Variants in GALNTL6 observed in about 807,000 individuals in gnomAD.
GALNTL6 encodes the protein polypeptide N-acetylgalactosaminyltransferase like 6, also known as polypeptide N-acetylgalactosaminyltransferase-like 6.
A neutral mutation model predicts 73.7 loss-of-function variants in GALNTL6; 46 were observed. The ratio of observed to expected loss-of-function variants is 0.62; its 90% CI spans 0.49 to 0.80. The LOEUF (loss-of-function observed/expected upper bound fraction) is 0.80, where lower values mean the gene tolerates loss of function less well. Among genes scored for constraint, GALNTL6 ranks in the 30% least tolerant of loss-of-function variants. The probability of loss-of-function intolerance (pLI) is 0.00; values close to 1 mark genes in which losing one functional copy is unlikely to be tolerated. For missense variants in GALNTL6, 604 were observed against 755.0 expected (o/e 0.80, Z 2.34); for synonymous variants, 259 against 263.7 (o/e 0.98, Z 0.17).
intron 5 of GALNTL6, among the ~76,000 whole-genome samples, chr4:172,735,442 C>T (rs148398601): frequency 0.018 from 2,750 of 152,118 alleles, 45 homozygotes; most frequent in Middle Eastern, 0.048. Flanking sequence ...TTGCCTATAC[C>T]CCCATTGTAT....
intron 4 of GALNTL6, among the ~76,000 whole-genome samples, chr4:172,339,762 ACT>A (rs1224060630): frequency 6.6e-6 from 1 of 151,852 alleles, no homozygotes; most frequent in Non-Finnish European, 1.5e-5. Context: ...ACAAAGGAAA[ACT>A]CTCTGCCCCT....
intron 2 of GALNTL6, among the ~76,000 whole-genome samples, chr4:172,170,490 C>T (rs1734777886): frequency 6.7e-6 from 1 of 149,396 alleles, no homozygotes; most frequent in South Asian, 2.1e-4. Flanking sequence ...TACCCAGTCC[C>T]TGGAAGTTTC....
intron 5 of GALNTL6, among the ~76,000 whole-genome samples, chr4:172,751,483 G>A (rs1737419637): frequency 6.6e-6 from 1 of 152,188 alleles, no homozygotes; most frequent in Admixed American, 6.5e-5. Flanking sequence ...TGTGTGAGAT[G>A]CTACAAAGGA....
chr4:172,687,625 CAAAA>C (rs34724807), intron 5 of GALNTL6, among the ~76,000 whole-genome samples: 11 of 129,102 alleles, frequency 8.5e-5, no homozygotes, highest in Non-Finnish European at 9.4e-5. Flanking sequence ...AAGACTGTCT[CAAAA>C]AAAAAAAAAA....
At chr4:172,861,341 G>GTGTA (rs1336283663) in intron 7 of GALNTL6, among the ~76,000 whole-genome samples, 4 of 151,580 alleles carry the variant, frequency 2.6e-5, no homozygotes, top group Admixed American at 6.6e-5. Context: ...GTGTGTGTGT[G>GTGTA]TGTGTGTGTG....
At chr4:172,189,932 G>A (rs995652278) in intron 2 of GALNTL6, among the ~76,000 whole-genome samples, 1 of 152,142 alleles carries the variant, frequency 6.6e-6, no homozygotes, top group Non-Finnish European at 1.5e-5. Flanking sequence ...AAATATTCCA[G>A]CAGCTTGTAC....
intron 5 of GALNTL6, among the ~76,000 whole-genome samples, chr4:172,647,484 C>T (rs1322367839): frequency 6.6e-6 from 1 of 151,902 alleles, no homozygotes; most frequent in African/African-American, 2.4e-5. Flanking sequence ...TTTCTCTACC[C>T]CAGAGTAAAA....
intron 5 of GALNTL6, among the ~76,000 whole-genome samples, chr4:172,698,407 C>A (rs917316243): frequency 6.6e-6 from 1 of 152,140 alleles, no homozygotes; most frequent in Non-Finnish European, 1.5e-5. Flanking sequence ...TAGGCCACGA[C>A]CAGCTTCCTT....
At chr4:172,560,902 C>T (rs1394792227) in intron 5 of GALNTL6, among the ~76,000 whole-genome samples, 1 of 152,148 alleles carries the variant, frequency 6.6e-6, no homozygotes, top group Non-Finnish European at 1.5e-5. Flanking sequence ...TCTTTTGTGA[C>T]ATAGATACTA....
chr4:173,019,385 CAA>C (rs1035025452), intron 11 of GALNTL6, among the ~76,000 whole-genome samples: 1 of 152,002 alleles, frequency 6.6e-6, no homozygotes, highest in African/African-American at 2.4e-5. Context: ...GGACAGGGTC[CAA>C]GAGAGAACCC....
chr4:172,110,935 C>T (rs1252202387), intron 2 of GALNTL6, among the ~76,000 whole-genome samples: 1 of 151,798 alleles, frequency 6.6e-6, no homozygotes, highest in Non-Finnish European at 1.5e-5. Context: ...TGTTTTCTTG[C>T]CTTGACATTT....
chr4:172,944,545 T>C (rs956530828), intron 9 of GALNTL6, among the ~76,000 whole-genome samples: 2 of 152,148 alleles, frequency 1.3e-5, no homozygotes, highest in African/African-American at 2.4e-5. Context: ...GGAAAACAAT[T>C]CAGATTTTTT....
intron 2 of GALNTL6, among the ~76,000 whole-genome samples, chr4:172,081,489 T>G (rs1731877987): frequency 6.6e-6 from 1 of 152,038 alleles, no homozygotes; most frequent in Non-Finnish European, 1.5e-5. Context: ...AATACAAAAA[T>G]TAGCTGGGCG....
intron 3 of GALNTL6, among the ~76,000 whole-genome samples, chr4:172,265,647 T>A (rs1245221012): frequency 6.6e-6 from 1 of 152,070 alleles, no homozygotes; most frequent in Non-Finnish European, 1.5e-5. Flanking sequence ...CTGTAGAAGC[T>A]CTTCCAAAGA....
chr4:171,906,770 G>C (rs987423616), intron 2 of GALNTL6, among the ~76,000 whole-genome samples: 1 of 152,122 alleles, frequency 6.6e-6, no homozygotes, highest in Non-Finnish European at 1.5e-5. Flanking sequence ...ACCGAATCCA[G>C]CAGCACATCA....
chr4:171,962,111 T>C (rs1444346302), intron 2 of GALNTL6, among the ~76,000 whole-genome samples: 1 of 152,150 alleles, frequency 6.6e-6, no homozygotes, highest in Non-Finnish European at 1.5e-5. Context: ...GACACCCTAA[T>C]AGTTAGGCAG....
At chr4:172,639,353 G>A (rs912749590) in intron 5 of GALNTL6, among the ~76,000 whole-genome samples, 1 of 151,952 alleles carries the variant, frequency 6.6e-6, no homozygotes, top group African/African-American at 2.4e-5. Context: ...TCTATGTGTA[G>A]CTTAAATTCA....
intron 5 of GALNTL6, among the ~76,000 whole-genome samples, chr4:172,535,738 T>A (rs2110859094): frequency 6.6e-6 from 1 of 152,202 alleles, no homozygotes; most frequent in East Asian, 1.9e-4. Flanking sequence ...AGGAAAGGAG[T>A]AGCTCAAGGA....
At chr4:172,551,077 T>A (rs1735939204) in intron 5 of GALNTL6, among the ~76,000 whole-genome samples, 1 of 152,220 alleles carries the variant, frequency 6.6e-6, no homozygotes, top group South Asian at 2.1e-4. Flanking sequence ...GAGCTGATAC[T>A]TCTAATTTAC....
Sources: allele counts gnomAD v4.1 joint callset (sites outside exome capture counted in the v4.1 genomes callset), GRCh38; gene constraint gnomAD v4.1.1; transcripts MANE v1.5; gene names NCBI Gene and HGNC (gene_info 2026-07-23, HGNC 2026-07-21).